Variants in PKP4 observed in about 807,000 individuals in gnomAD.
PKP4 encodes the protein plakophilin 4, also known as plakophilin-4.
PKP4 carries 90 observed loss-of-function variants against 145.1 expected under a neutral mutation model. That is an observed-to-expected ratio of 0.62 (90% CI 0.52 to 0.74). PKP4 has a LOEUF of 0.74. Among genes scored for constraint, PKP4 ranks in the 30% least tolerant of loss-of-function variants. The pLI is 0.00. For missense variants in PKP4, 1,340 were observed against 1,482.7 expected, an observed-to-expected ratio of 0.90 and a Z score of 1.58; for synonymous variants, 563 against 577.2, an observed-to-expected ratio of 0.98 and a Z score of 0.35.
chr2:158,476,326 TTTTTAAG>T (rs1257490969), intron 1 of PKP4, among the ~76,000 whole-genome samples: 2 of 152,090 alleles, frequency 1.3e-5, no homozygotes, highest in Admixed American at 6.6e-5. Context: ...CCTCTGATGA[TTTTTAAG>T]TTTTATTTTA....
chr2:158,504,685 AC>A (rs1000123843), intron 1 of PKP4, among the ~76,000 whole-genome samples: 5 of 149,018 alleles, frequency 3.4e-5, no homozygotes, highest in African/African-American at 7.4e-5. Flanking sequence ...TAAAAAAAAA[AC>A]CAACTTTATT....
intron 5 of PKP4, 22 bp downstream of exon 5, chr2:158,621,143 G>A: frequency 6.2e-7 from 1 of 1,614,040 alleles, no homozygotes; most frequent in Admixed American, 1.7e-5. Flanking sequence ...TATCTTTTAA[G>A]TACTGGATTT....
At chr2:158,588,560 A>C (rs959693174) in intron 3 of PKP4, among the ~76,000 whole-genome samples, 1 of 152,132 alleles carries the variant, frequency 6.6e-6, no homozygotes, top group African/African-American at 2.4e-5. Context: ...TTTAAAGCTA[A>C]AATAACTCTG....
chr2:158,666,669 T>C (rs1388235076), intron 16 of PKP4, 106 bp downstream of exon 16: 2 of 921,128 alleles, frequency 2.2e-6, no homozygotes, highest in Non-Finnish European at 3.1e-6. Context: ...CATTAACAGC[T>C]GAGCCCTAGT....
chr2:158,568,887 C>T (rs751781615), intron 2 of PKP4, among the ~76,000 whole-genome samples: 18 of 152,086 alleles, frequency 1.2e-4, no homozygotes, highest in Non-Finnish European at 1.3e-4. Context: ...GCACAATAAT[C>T]GCTTGAACCC....
chr2:158,477,914 A>G (rs904260173), intron 1 of PKP4, among the ~76,000 whole-genome samples: 10 of 152,200 alleles, frequency 6.6e-5, no homozygotes, highest in African/African-American at 2.2e-4. Context: ...CCAGCTTCTG[A>G]GGTATGCCAA....
chr2:158,598,584 G>A (rs1010232300), intron 3 of PKP4, among the ~76,000 whole-genome samples: 12 of 152,190 alleles, frequency 7.9e-5, no homozygotes, highest in African/African-American at 2.6e-4. Context: ...TGGCTAACAC[G>A]GTGAAACCCC....
intron 9 of PKP4, among the ~76,000 whole-genome samples, chr2:158,637,608 C>T (rs2053916605): frequency 6.6e-6 from 1 of 152,194 alleles, no homozygotes; most frequent in African/African-American, 2.4e-5. Flanking sequence ...CAGAAAGTGC[C>T]CTCAGGCAGA....
chr2:158,556,389 A>T (rs1266750982), intron 2 of PKP4, among the ~76,000 whole-genome samples: 2 of 152,212 alleles, frequency 1.3e-5, no homozygotes, highest in Non-Finnish European at 2.9e-5. Flanking sequence ...GCTATGGTGC[A>T]GTCTCACCTG....
At chr2:158,466,641 G>A (rs1690667022) in intron 1 of PKP4, among the ~76,000 whole-genome samples, 1 of 152,174 alleles carries the variant, frequency 6.6e-6, no homozygotes, top group South Asian at 2.1e-4. Flanking sequence ...TGAGGCAGAG[G>A]TTGCAGTGGG....
intron 7 of PKP4, among the ~76,000 whole-genome samples, chr2:158,629,918 G>A (rs1009151949): frequency 6.6e-6 from 1 of 152,080 alleles, no homozygotes; most frequent in Admixed American, 6.5e-5. Flanking sequence ...ATTTTTAGTA[G>A]AGTCGGGGTT....
At chr2:158,615,017 A>C (rs2051459650) in intron 4 of PKP4, among the ~76,000 whole-genome samples, 2 of 152,044 alleles carry the variant, frequency 1.3e-5, no homozygotes, top group Admixed American at 1.3e-4. Flanking sequence ...TTTACAAAAA[A>C]AAAAAATAAC....
intron 2 of PKP4, among the ~76,000 whole-genome samples, chr2:158,572,112 C>A (rs944874066): frequency 6.6e-6 from 1 of 151,864 alleles, no homozygotes; most frequent in Non-Finnish European, 1.5e-5. Flanking sequence ...AATGACCATG[C>A]AGGAACAGAC....
chr2:158,465,414 G>C (rs1488340147), intron 1 of PKP4, among the ~76,000 whole-genome samples: 2 of 152,104 alleles, frequency 1.3e-5, no homozygotes, highest in African/African-American at 4.8e-5. Context: ...TGTATCTCTT[G>C]AAACACTTTA....
At chr2:158,529,712 A>T (rs992045913) in intron 1 of PKP4, among the ~76,000 whole-genome samples, 4 of 152,194 alleles carry the variant, frequency 2.6e-5, no homozygotes, top group Non-Finnish European at 5.9e-5. Context: ...CTTGAACCTG[A>T]AATGCCTACA....
intron 2 of PKP4, among the ~76,000 whole-genome samples, chr2:158,538,819 G>A (rs1304047638): frequency 6.6e-6 from 1 of 152,110 alleles, no homozygotes. Context: ...TGGGATTACA[G>A]GTGTGAGCCA....
At chr2:158,641,597 A>G (rs1308528046) in intron 10 of PKP4, among the ~76,000 whole-genome samples, 2 of 152,140 alleles carry the variant, frequency 1.3e-5, no homozygotes, top group Non-Finnish European at 2.9e-5. Flanking sequence ...CTTCTGACCC[A>G]CTGTGTTATA....
intron 1 of PKP4, among the ~76,000 whole-genome samples, chr2:158,494,190 T>A (rs1045406940): frequency 4.6e-5 from 7 of 152,130 alleles, no homozygotes; most frequent in African/African-American, 1.7e-4. Context: ...AATTTAGGCA[T>A]CTCACTATGT....
chr2:158,663,790 T>G (rs950453530), intron 15 of PKP4, among the ~76,000 whole-genome samples: 30 of 151,764 alleles, frequency 2.0e-4, no homozygotes, highest in African/African-American at 7.3e-4. Flanking sequence ...AAGAGCGGAG[T>G]AAGGACGTGG....
Sources: gnomAD v4.1 joint callset for allele counts (sites outside exome capture counted in the v4.1 genomes callset) on GRCh38, gnomAD v4.1.1 for gene constraint, MANE v1.5 for transcripts, NCBI Gene and HGNC (gene_info 2026-07-23, HGNC 2026-07-21) for gene names.